The following SGCG variants were observed in gnomAD, a reference collection of about 807,000 sequenced individuals.
SGCG encodes sarcoglycan gamma, also known as gamma-sarcoglycan.
A neutral mutation model predicts 29.3 loss-of-function variants in SGCG; 26 were observed. That is an observed-to-expected ratio of 0.89 (90% CI 0.65 to 1.23). The LOEUF is 1.23. SGCG is among the 50% of genes most tolerant of loss of function. The pLI, the probability that SGCG is intolerant of heterozygous loss-of-function variation, is 0.00. For synonymous variants in SGCG, 145 were observed against 129.7 expected (o/e 1.12, Z -0.80); for missense variants, 353 against 356.0 (o/e 0.99, Z 0.07).
At chr13:23,293,835 A>T (rs1881807686) in intron 5 of SGCG, among the ~76,000 whole-genome samples, 1 of 125,772 alleles carries the variant, frequency 8.0e-6, no homozygotes, top group Non-Finnish European at 1.8e-5. Context: ...CGTCTTAAAA[A>T]AAAAAAAAAA....
chr13:23,275,850 A>T (rs1881049620), intron 4 of SGCG, among the ~76,000 whole-genome samples: 1 of 151,992 alleles, frequency 6.6e-6, no homozygotes, highest in South Asian at 2.1e-4. Context: ...CCTTTTTTTA[A>T]AAGGACTTTG....
At chr13:23,228,491 G>C (rs1878985758) in intron 2 of SGCG, among the ~76,000 whole-genome samples, 1 of 151,998 alleles carries the variant, frequency 6.6e-6, no homozygotes, top group Admixed American at 6.6e-5. Context: ...TACATGTGTA[G>C]GTTTGTTATA....
At chr13:23,214,073 T>A (rs1878335162) in intron 2 of SGCG, among the ~76,000 whole-genome samples, 1 of 152,224 alleles carries the variant, frequency 6.6e-6, no homozygotes, top group Non-Finnish European at 1.5e-5. Flanking sequence ...ATTTGTTTTA[T>A]CTGAGTTCCT....
chr13:23,280,686 G>A (rs1340849197), intron 5 of SGCG, among the ~76,000 whole-genome samples: 1 of 152,170 alleles, frequency 6.6e-6, no homozygotes, highest in Non-Finnish European at 1.5e-5. Context: ...GTAATTTCAA[G>A]CAAGTTAATT....
rs779893866 is a variant in SGCG at position 23,324,549 on chromosome 13, G to A, written c.*8G>A. 3.3e-5 allele frequency: 53 copies of A among 1,607,958 alleles called. No homozygotes were observed. The highest frequency in any genetic ancestry group is 4.4e-5 in the Non-Finnish European group (52 of 1,179,610). On this transcript the variant is annotated 3_prime_UTR_variant, in exon 8 of 8. Coordinates refer to ENST00000218867, the MANE Select transcript of SGCG (RefSeq NM_000231.3). Reference sequence around the variant, plus strand: ...AACCACATCTGCCTCTGAGCTGCCTGCGTCCTCTCGGTGAGCTGTGCAGTG... The same window carrying A: ...AACCACATCTGCCTCTGAGCTGCCTACGTCCTCTCGGTGAGCTGTGCAGTG...
intron 4 of SGCG, among the ~76,000 whole-genome samples, chr13:23,259,012 T>C (rs1289866851): frequency 6.6e-6 from 1 of 152,020 alleles, no homozygotes; most frequent in Admixed American, 6.6e-5. Flanking sequence ...AATTCTGTTT[T>C]GTTGTGTCTC....
intron 5 of SGCG, among the ~76,000 whole-genome samples, chr13:23,281,924 C>T (rs1881320803): frequency 6.6e-6 from 1 of 152,192 alleles, no homozygotes; most frequent in Admixed American, 6.5e-5. Context: ...CTAGAACATG[C>T]TTTCAAGTTA....
At chr13:23,229,150 A>C (rs539187733) in intron 2 of SGCG, among the ~76,000 whole-genome samples, 2 of 152,226 alleles carry the variant, frequency 1.3e-5, no homozygotes, top group Admixed American at 6.5e-5. Context: ...GATTACAGGA[A>C]CTGTAATCCC....
At chr13:23,263,012 G>A (rs907046097) in intron 4 of SGCG, among the ~76,000 whole-genome samples, 3 of 152,034 alleles carry the variant, frequency 2.0e-5, no homozygotes, top group Admixed American at 6.6e-5. Flanking sequence ...GCAGTACTAA[G>A]AGGAAAGTTT....
chr13:23,278,776 G>A (rs1881189182), intron 4 of SGCG, among the ~76,000 whole-genome samples: 1 of 152,346 alleles, frequency 6.6e-6, no homozygotes, highest in South Asian at 2.1e-4. Flanking sequence ...GGATACAAAA[G>A]TGAAACAGAA....
intron 1 of SGCG, among the ~76,000 whole-genome samples, chr13:23,189,943 T>A (rs5010611): frequency 0.69 from 104,642 of 151,814 alleles, 36,471 homozygotes; most frequent in African/African-American, 0.74. Flanking sequence ...GCTCAAAGGG[T>A]TGTGTCAAAG....
chr13:23,316,595 T>A (rs1338928393), intron 6 of SGCG, among the ~76,000 whole-genome samples: 2 of 152,116 alleles, frequency 1.3e-5, no homozygotes, highest in African/African-American at 4.8e-5. Flanking sequence ...GCGTCCAATA[T>A]GTGGTACTGT....
chr13:23,316,320 T>C (rs1470955542), intron 6 of SGCG, among the ~76,000 whole-genome samples: 2 of 152,212 alleles, frequency 1.3e-5, no homozygotes, highest in African/African-American at 4.8e-5. Context: ...ATCTGTAGAC[T>C]CATGGAATGC....
At chr13:23,249,276 T>C (rs1879865771) in intron 3 of SGCG, among the ~76,000 whole-genome samples, 1 of 152,192 alleles carries the variant, frequency 6.6e-6, no homozygotes, top group Admixed American at 6.5e-5. Flanking sequence ...TTCAGTTTAC[T>C]CTTAGTGGTC....
chr13:23,299,456 A>ATATATTTT (rs1882059808), intron 6 of SGCG, among the ~76,000 whole-genome samples: 1 of 41,538 alleles, frequency 2.4e-5, no homozygotes, highest in Non-Finnish European at 4.8e-5. Flanking sequence ...ATATATATAT[A>ATATATTTT]TTTTTTTTTT....
At chr13:23,275,481 C>T (rs1052513356) in intron 4 of SGCG, among the ~76,000 whole-genome samples, 4 of 145,714 alleles carry the variant, frequency 2.7e-5, no homozygotes, top group Non-Finnish European at 4.5e-5. Flanking sequence ...CCAGCCTGGG[C>T]GACAGAGCGA....
intron 4 of SGCG, among the ~76,000 whole-genome samples, chr13:23,258,511 C>T (rs1485915472): frequency 6.6e-6 from 1 of 152,110 alleles, no homozygotes; most frequent in African/African-American, 2.4e-5. Context: ...AATTTGACCT[C>T]CTCTTTTCCT....
intron 1 of SGCG, among the ~76,000 whole-genome samples, chr13:23,184,713 G>A (rs1876901388): frequency 6.6e-6 from 1 of 152,128 alleles, no homozygotes; most frequent in Non-Finnish European, 1.5e-5. Flanking sequence ...TCTAAGAAGT[G>A]TCCTTGGCCT....
At chr13:23,197,639 G>A (rs1877564722) in intron 1 of SGCG, among the ~76,000 whole-genome samples, 1 of 152,182 alleles carries the variant, frequency 6.6e-6, no homozygotes, top group African/African-American at 2.4e-5. Flanking sequence ...TAGTATATTG[G>A]AAGGTAGATC....
Sources: allele counts gnomAD v4.1 joint callset (sites outside exome capture counted in the v4.1 genomes callset), GRCh38; gene constraint gnomAD v4.1.1; transcripts MANE v1.5; gene names NCBI Gene and HGNC (gene_info 2026-07-23, HGNC 2026-07-21).